The following COL8A1 variants were observed in gnomAD, a reference collection of about 807,000 sequenced individuals.
The protein encoded by COL8A1 is collagen alpha-1(VIII) chain.
A neutral mutation model predicts 42.7 loss-of-function variants in COL8A1; 21 were observed. The ratio of observed to expected loss-of-function variants is 0.49; its 90% CI spans 0.35 to 0.71. The LOEUF is 0.71. Among genes scored for constraint, COL8A1 ranks in the 30% least tolerant of loss-of-function variants. The probability of loss-of-function intolerance (pLI) is 0.01; values close to 1 mark genes in which losing one functional copy is unlikely to be tolerated. For synonymous variants in COL8A1, 367 were observed against 369.1 expected (o/e 0.99, Z 0.06); for missense variants, 788 against 962.4 (o/e 0.82, Z 2.40).
At chr3:99,718,014 TC>T (rs761617814) in intron 1 of COL8A1, among the ~76,000 whole-genome samples, 20 of 151,970 alleles carry the variant, frequency 1.3e-4, no homozygotes, top group Non-Finnish European at 2.8e-4. Context: ...GCCAAATTTT[TC>T]CCCAAATGCA....
At chr3:99,752,885 A>G (rs1326894140) in intron 2 of COL8A1, among the ~76,000 whole-genome samples, 2 of 151,956 alleles carry the variant, frequency 1.3e-5, no homozygotes, top group Non-Finnish European at 2.9e-5. Flanking sequence ...TTAGAGGGGG[A>G]GAAGGGGAGA....
At position 99,700,037 on chromosome 3, in the gene COL8A1, C is replaced by T. The variant is rs146696151; in HGVS notation, c.-128-44860C>T. Among the ~76,000 whole-genome samples, 341 of 152,226 alleles carry T rather than the reference C, an allele frequency of 2.2e-3. 3 individuals carry two copies. The highest frequency in any genetic ancestry group is 8.0e-3 in the African/African-American group (334 of 41,540). ...GCGCATGAGTCATCTAGGGATGTCA[C>T]GAAAAGGCAGACTCCAATGCAGTCG... On this transcript the variant is annotated intron_variant, in intron 1 of 3. Coordinates refer to ENST00000652472, the MANE Select transcript of COL8A1 (RefSeq NM_020351.4).
chr3:99,777,192 G>A (rs1477397126), intron 2 of COL8A1, among the ~76,000 whole-genome samples: 1 of 152,266 alleles, frequency 6.6e-6, no homozygotes, highest in East Asian at 1.9e-4. Context: ...GCTCTGGTTT[G>A]AATGCCTTTG....
rs567759649 is a variant in COL8A1, at chr3:99,767,816, G to T, written c.-4+22795G>T. On this transcript the variant is annotated intron_variant, in intron 2 of 3. Transcript: ENST00000652472. The stretch of plus-strand genomic sequence containing the variant: ...AAAGCAAATGCCCCAAAATAAAGGA[G>T]TGAGAAGTAAAGATAATACTAATGA... Among the ~76,000 whole-genome samples the T allele has an allele frequency of 8.5e-5, 13 of 152,296 alleles. No individual in the cohort carries two copies. The South Asian group carries it at 1.5e-3, about 17-fold the overall frequency.
intron 1 of COL8A1, among the ~76,000 whole-genome samples, chr3:99,705,358 T>G (rs1939652306): frequency 6.6e-6 from 1 of 152,194 alleles, no homozygotes; most frequent in Non-Finnish European, 1.5e-5. Flanking sequence ...GTTCTGAGCT[T>G]CTAACTACTG....
intron 1 of COL8A1, among the ~76,000 whole-genome samples, chr3:99,640,553 A>C (rs1243258734): frequency 6.6e-6 from 1 of 152,166 alleles, no homozygotes; most frequent in Non-Finnish European, 1.5e-5. Context: ...AGTATTCTCC[A>C]AGGGTTTACT....
At chr3:99,751,150 G>A (rs1941140058) in intron 2 of COL8A1, among the ~76,000 whole-genome samples, 1 of 152,132 alleles carries the variant, frequency 6.6e-6, no homozygotes, top group African/African-American at 2.4e-5. Context: ...TGAGTTATTT[G>A]TGCCATTTAA....
At chr3:99,789,092 T>C (rs1941949117) in intron 2 of COL8A1, among the ~76,000 whole-genome samples, 1 of 152,146 alleles carries the variant, frequency 6.6e-6, no homozygotes, top group Admixed American at 6.5e-5. Context: ...TTTAGAAAGA[T>C]TGTAAAGCTT....
intron 1 of COL8A1, among the ~76,000 whole-genome samples, chr3:99,652,046 C>T (rs1937864278): frequency 1.3e-5 from 2 of 152,136 alleles, no homozygotes; most frequent in African/African-American, 4.8e-5. Context: ...ATAGCAATAA[C>T]ATTTAACTTG....
intron 1 of COL8A1, among the ~76,000 whole-genome samples, chr3:99,731,280 T>C (rs995864944): frequency 3.9e-5 from 6 of 152,090 alleles, no homozygotes; most frequent in Non-Finnish European, 7.4e-5. Context: ...TTTGAGGAAG[T>C]GATATTCAAG....
At chr3:99,645,862 C>G (rs546357628) in intron 1 of COL8A1, among the ~76,000 whole-genome samples, 1 of 152,218 alleles carries the variant, frequency 6.6e-6, no homozygotes, top group East Asian at 1.9e-4. Flanking sequence ...AAGACTGAAT[C>G]TAAATGCTCA....
At chr3:99,736,521 T>G (rs1484900663) in intron 1 of COL8A1, among the ~76,000 whole-genome samples, 1 of 152,170 alleles carries the variant, frequency 6.6e-6, no homozygotes, top group Non-Finnish European at 1.5e-5. Flanking sequence ...GTTGTTCAGT[T>G]TCCATGTAGT....
At chr3:99,642,307 G>A (rs1937518589) in intron 1 of COL8A1, among the ~76,000 whole-genome samples, 1 of 152,126 alleles carries the variant, frequency 6.6e-6, no homozygotes, top group African/African-American at 2.4e-5. Context: ...TGCAGGAATG[G>A]GGTTAAAGGG....
At chr3:99,776,328 T>C (rs970201538) in intron 2 of COL8A1, among the ~76,000 whole-genome samples, 2 of 152,194 alleles carry the variant, frequency 1.3e-5, no homozygotes, top group Non-Finnish European at 2.9e-5. Flanking sequence ...GGGTTCTTTG[T>C]ATTTTTTTTC....
At chr3:99,776,618 G>A (rs1941698124) in intron 2 of COL8A1, among the ~76,000 whole-genome samples, 2 of 152,128 alleles carry the variant, frequency 1.3e-5, no homozygotes, top group South Asian at 4.1e-4. Context: ...CCCCAAGAGA[G>A]GTTTCTTGGA....
chr3:99,762,507 A>T (rs150085429), intron 2 of COL8A1, among the ~76,000 whole-genome samples: 88 of 152,346 alleles, frequency 5.8e-4, no homozygotes, highest in African/African-American at 2.0e-3. Flanking sequence ...GCGAAGATGC[A>T]GGGAGACCAG....
intron 1 of COL8A1, among the ~76,000 whole-genome samples, chr3:99,695,220 A>T (rs562575936): frequency 6.6e-6 from 1 of 152,312 alleles, no homozygotes; most frequent in South Asian, 2.1e-4. Flanking sequence ...TCAACATGTA[A>T]TCAAAATAAA....
At chr3:99,720,676 A>G (rs934901686) in intron 1 of COL8A1, among the ~76,000 whole-genome samples, 1 of 152,146 alleles carries the variant, frequency 6.6e-6, no homozygotes, top group African/African-American at 2.4e-5. Flanking sequence ...AATGTTTTCT[A>G]TTGCTCTGAG....
At chr3:99,773,838 T>TATATATTATATATATATATA (rs57465016) in intron 2 of COL8A1, among the ~76,000 whole-genome samples, 1 of 58,418 alleles carries the variant, frequency 1.7e-5, no homozygotes, top group Non-Finnish European at 3.0e-5. Flanking sequence ...TATATATATA[T>TATATATTATATATATATATA]TTTTTTTTTT....
Sources: gnomAD v4.1 joint callset for allele counts (sites outside exome capture counted in the v4.1 genomes callset) on GRCh38, gnomAD v4.1.1 for gene constraint, MANE v1.5 for transcripts, NCBI Gene and HGNC (gene_info 2026-07-23, HGNC 2026-07-21) for gene names.